The following ATP11A variants were observed in gnomAD, a reference collection of about 807,000 sequenced individuals.
ATP11A encodes phospholipid-transporting ATPase IH.
Under a neutral mutation model 154.4 loss-of-function variants are expected in ATP11A, and 81 were observed. The ratio of observed to expected loss-of-function variants is 0.52; its 90% CI spans 0.44 to 0.63. The LOEUF (loss-of-function observed/expected upper bound fraction) is 0.63, where lower values mean the gene tolerates loss of function less well. ATP11A is among the 30% of genes least tolerant of loss of function. ATP11A has a pLI of 0.00. For synonymous variants in ATP11A, 623 were observed against 585.9 expected (o/e 1.06, Z -0.91); for missense variants, 1,316 against 1,474.3 (o/e 0.89, Z 1.76).
rs566187883 is a variant in ATP11A, at chr13:112,807,027, G to A, written c.333+734G>A. Among the ~76,000 whole-genome samples the A allele has an allele frequency of 3.3e-5, 5 of 152,322 alleles. No homozygotes were observed. Among genetic ancestry groups the A allele is most frequent in the African/African-American group, 1.2e-4 (5 of 41,564 alleles). ...ACATACCTGGCATTTTGTGTATCACGCGTCCTCTGTGGATGGACATTTGGG... is the reference window on the plus strand; with the variant it reads ...ACATACCTGGCATTTTGTGTATCACACGTCCTCTGTGGATGGACATTTGGG... On this transcript the variant is annotated intron_variant, in intron 4 of 29. Coordinates refer to ENST00000375645, the MANE Select transcript of ATP11A (RefSeq NM_015205.3). This position sits in a 1 kb window ranked among gnomAD's most constrained non-coding sequence, Gnocchi z 4.5.
chr13:112,848,176 G>A (rs1213689306), intron 17 of ATP11A, among the ~76,000 whole-genome samples: 2 of 152,218 alleles, frequency 1.3e-5, no homozygotes, highest in African/African-American at 4.8e-5. Context: ...ACTTTGGGTA[G>A]TGTTGTCATC....
chr13:112,825,497 C>G lies in ATP11A; in HGVS notation c.940C>G (p.Leu314Val). The part of the protein sequence containing the change: ...LISKALINTV[L>V]KYMWQSEPFR... ...CAGCAAAGCCCTGATAAACACTGTG[C>G]TGAAATACATGTGGCAGAGTGAGCC... is the stretch of plus-strand genomic sequence containing the variant. The change falls in exon 11 of 30, where the codon CTG becomes GTG. Residue 314 changes from leucine to valine, a missense_variant. Around this residue, in one of 5 missense-constraint regions of ATP11A, gnomAD observed 876 missense variants for 1,006.8 expected, o/e 0.87. Transcript: ENST00000375645. The G allele has an allele frequency of 3.7e-6, 6 of 1,613,990 alleles. No individual in the cohort carries two copies. The highest frequency in any genetic ancestry group is 5.1e-6 in the Non-Finnish European group (6 of 1,179,928).
intron 1 of ATP11A, among the ~76,000 whole-genome samples, chr13:112,761,578 AG>A (rs2076963614): frequency 1.0e-4 from 15 of 149,858 alleles, no homozygotes; most frequent in African/African-American, 3.5e-4. Flanking sequence ...AGCACCCCTG[AG>A]GATAAAGGGG....
chr13:112,825,321 G>A, intron 10 of ATP11A, 109 bp from the exon 11 acceptor site: 2 of 1,269,918 alleles, frequency 1.6e-6, no homozygotes, highest in South Asian at 2.9e-5. Flanking sequence ...ACATCACTGT[G>A]CCCTTCCTAT....
intron 1 of ATP11A, among the ~76,000 whole-genome samples, chr13:112,725,674 C>T (rs529175925): frequency 4.3e-4 from 66 of 152,348 alleles, no homozygotes; most frequent in African/African-American, 1.5e-3. Flanking sequence ...ATGCCCCAGC[C>T]AGTGAGTGTG....
chr13:112,766,328 A>G (rs1176678117), intron 1 of ATP11A, among the ~76,000 whole-genome samples: 1 of 152,224 alleles, frequency 6.6e-6, no homozygotes, highest in African/African-American at 2.4e-5. Flanking sequence ...AAGAGGGATG[A>G]GTAAGGGGCT....
At chr13:112,827,377 A>G (rs2140231104) in intron 12 of ATP11A, among the ~76,000 whole-genome samples, 1 of 152,354 alleles carries the variant, frequency 6.6e-6, no homozygotes, top group African/African-American at 2.4e-5. Flanking sequence ...CGAGTGTCTC[A>G]GTCTGTGAAA....
At chr13:112,864,322 A>G (rs1438256398) in intron 25 of ATP11A, among the ~76,000 whole-genome samples, 2 of 97,824 alleles carry the variant, frequency 2.0e-5, no homozygotes, top group Non-Finnish European at 4.2e-5. Context: ...GTCCATCACC[A>G]CATGGGCAGT....
intron 1 of ATP11A, among the ~76,000 whole-genome samples, chr13:112,731,810 T>C (rs1392674028): frequency 6.6e-6 from 1 of 151,954 alleles, no homozygotes; most frequent in Non-Finnish European, 1.5e-5. Context: ...CATCTTGCCC[T>C]ACAAGCCTCT....
chr13:112,859,773 A>G lies in ATP11A; in HGVS notation c.2727+321A>G, dbSNP rs1282587631. Among the ~76,000 whole-genome samples the G allele has an allele frequency of 6.6e-6, 1 of 152,334 alleles. No individual in the cohort carries two copies. The highest frequency in any genetic ancestry group is 2.4e-5 in the African/African-American group (1 of 41,578). ...GCATCCTGATGCCACTGCAAGAATTAACTCCAACTCGAGGTCCTTGTGGAC... is the reference window on the plus strand; with the variant it reads ...GCATCCTGATGCCACTGCAAGAATTGACTCCAACTCGAGGTCCTTGTGGAC... On this transcript the variant is annotated intron_variant, in intron 23 of 29. Coordinates refer to ENST00000375645, the MANE Select transcript of ATP11A (RefSeq NM_015205.3). The surrounding 1 kb of genome is among the most constrained non-coding windows in gnomAD (Gnocchi z 4.3).
At chr13:112,707,938 G>A (rs763965676) in intron 1 of ATP11A, among the ~76,000 whole-genome samples, 6 of 152,202 alleles carry the variant, frequency 3.9e-5, no homozygotes, top group Non-Finnish European at 8.8e-5. Context: ...ATCTTGAGAA[G>A]TATGCTCAGC....
At chr13:112,789,110 C>G (rs1233156949) in intron 2 of ATP11A, among the ~76,000 whole-genome samples, 1 of 150,950 alleles carries the variant, frequency 6.6e-6, no homozygotes, top group Non-Finnish European at 1.5e-5. Flanking sequence ...ACCGGGTGTC[C>G]TGATGTATAG....
At chr13:112,725,039 G>A (rs1030626288) in intron 1 of ATP11A, among the ~76,000 whole-genome samples, 13 of 152,164 alleles carry the variant, frequency 8.5e-5, no homozygotes, top group African/African-American at 1.4e-4. Flanking sequence ...CTGTGGGCCC[G>A]GTGTGGGACC....
rs548834892 is a variant in ATP11A, at chr13:112,886,057, C to G, written c.*4191C>G. The G allele has an allele frequency of 6.6e-6, 1 of 152,330 alleles. No individual in the cohort carries two copies. Among genetic ancestry groups the G allele is most frequent in the South Asian group, 2.1e-4 (1 of 4,836 alleles). The allele number at this position is 152,330 out of a possible 1,614,324, so 9.4% of individuals were successfully genotyped here. The stretch of plus-strand genomic sequence containing the variant: ...ACCCACGCCGCACCTCATCCGTGCA[C>G]GCGTCGGAGCACGGCCAGCCTTCCG... On this transcript the variant is annotated 3_prime_UTR_variant, in exon 30 of 30. Transcript: ENST00000375645.
At chr13:112,793,731 G>C (rs1054356958) in intron 2 of ATP11A, among the ~76,000 whole-genome samples, 2 of 152,272 alleles carry the variant, frequency 1.3e-5, no homozygotes, top group African/African-American at 4.8e-5. Context: ...GCTGTGTTCA[G>C]GTGAACACTA....
chr13:112,842,603 G>T (rs964890024), intron 17 of ATP11A, among the ~76,000 whole-genome samples: 10 of 152,252 alleles, frequency 6.6e-5, no homozygotes, highest in African/African-American at 2.2e-4. Context: ...CCAGGCACAG[G>T]CCATCTCCTC....
intron 2 of ATP11A, among the ~76,000 whole-genome samples, chr13:112,794,338 C>A (rs190792225): frequency 6.6e-6 from 1 of 152,184 alleles, no homozygotes; most frequent in East Asian, 1.9e-4. Context: ...CCCACTCTAA[C>A]GTGTGGAATA....
intron 27 of ATP11A, among the ~76,000 whole-genome samples, chr13:112,874,448 G>A (rs2080650397): frequency 6.6e-6 from 1 of 152,202 alleles, no homozygotes; most frequent in African/African-American, 2.4e-5. Context: ...GACATAGGCA[G>A]GGTGGTCAGT....
intron 1 of ATP11A, among the ~76,000 whole-genome samples, chr13:112,707,665 G>A (rs1381804252): frequency 6.6e-6 from 1 of 152,114 alleles, no homozygotes; most frequent in Non-Finnish European, 1.5e-5. Flanking sequence ...AGCTGAGCGA[G>A]AATCAAAAAA....
Sources: gnomAD v4.1 joint callset for allele counts (sites outside exome capture counted in the v4.1 genomes callset) on GRCh38, gnomAD v4.1.1 for gene constraint, gnomAD v4.1.1 regional missense constraint, Gnocchi (gnomAD v3.1) non-coding constraint, MANE v1.5 for transcripts, NCBI Gene and HGNC (gene_info 2026-07-23, HGNC 2026-07-21) for gene names.